Variants in GRHL2 observed in about 807,000 individuals in gnomAD.
The protein encoded by GRHL2 is grainyhead-like protein 2 homolog.
In GRHL2, 21 loss-of-function variants were observed where a neutral mutation model predicts 83.8. That is an observed-to-expected ratio of 0.25 (90% CI 0.18 to 0.36). The LOEUF (loss-of-function observed/expected upper bound fraction) is 0.36. GRHL2 is among the 10% of genes least tolerant of loss of function. The pLI, the probability that GRHL2 is intolerant of heterozygous loss-of-function variation, is 1.00. For synonymous variants in GRHL2, 280 were observed against 278.9 expected, an observed-to-expected ratio of 1.00 and a Z score of -0.04; for missense variants, 623 against 781.8, an observed-to-expected ratio of 0.80 and a Z score of 2.42.
chr8:101,587,033 T>G (rs1475820261), intron 7 of GRHL2, among the ~76,000 whole-genome samples: 3 of 152,230 alleles, frequency 2.0e-5, no homozygotes, highest in African/African-American at 7.2e-5. Flanking sequence ...AATGTCTCCT[T>G]TTAAACTTAA....
At chr8:101,536,719 T>A in intron 1 of GRHL2, among the ~76,000 whole-genome samples, 1 of 152,192 alleles carries the variant, frequency 6.6e-6, no homozygotes, top group East Asian at 1.9e-4. Flanking sequence ...AACTGATGAT[T>A]AGCTTAGTGT....
chr8:101,640,872 C>T (rs2129653040), intron 12 of GRHL2, among the ~76,000 whole-genome samples: 1 of 152,308 alleles, frequency 6.6e-6, no homozygotes, highest in South Asian at 2.1e-4. Flanking sequence ...TTTATTTTCT[C>T]CCATGCTTCT....
intron 14 of GRHL2, among the ~76,000 whole-genome samples, chr8:101,662,452 T>C (rs936538887): frequency 6.6e-6 from 1 of 152,174 alleles, no homozygotes; most frequent in African/African-American, 2.4e-5. Flanking sequence ...AATCTGTGAG[T>C]CTCTGTAGAG....
intron 1 of GRHL2, among the ~76,000 whole-genome samples, chr8:101,500,294 C>T (rs1388196086): frequency 6.6e-6 from 1 of 152,008 alleles, no homozygotes; most frequent in Non-Finnish European, 1.5e-5. Context: ...ACCTGGGAGT[C>T]CCTCAGATAG....
At chr8:101,646,542 C>A (rs1813514971) in intron 13 of GRHL2, among the ~76,000 whole-genome samples, 1 of 152,196 alleles carries the variant, frequency 6.6e-6, no homozygotes, top group Non-Finnish European at 1.5e-5. Context: ...TACTGGGCCC[C>A]TTGCTTGGAG....
At chr8:101,652,588 CTGTG>C (rs1554596889) in intron 14 of GRHL2, among the ~76,000 whole-genome samples, 1 of 17,944 alleles carries the variant, frequency 5.6e-5, no homozygotes, top group Admixed American at 5.0e-4. Context: ...TGTGTGGTGT[CTGTG>C]TGTGTGTGGT....
chr8:101,647,338 C>G (rs1813531598), intron 13 of GRHL2, among the ~76,000 whole-genome samples: 1 of 152,172 alleles, frequency 6.6e-6, no homozygotes, highest in South Asian at 2.1e-4. Flanking sequence ...GCACTCCAGT[C>G]TGGGTGACAG....
At chr8:101,589,424 G>A (rs1227289204) in intron 7 of GRHL2, among the ~76,000 whole-genome samples, 2 of 152,212 alleles carry the variant, frequency 1.3e-5, no homozygotes, top group South Asian at 4.1e-4. Flanking sequence ...GTGTGTCTAT[G>A]TACAGGATAT....
chr8:101,632,950 C>T (rs189181533), intron 11 of GRHL2, among the ~76,000 whole-genome samples: 1 of 152,244 alleles, frequency 6.6e-6, no homozygotes, highest in East Asian at 1.9e-4. Flanking sequence ...CAATAATTAA[C>T]TCATTATGGT....
At chr8:101,493,529 A>T (rs995202476) in intron 1 of GRHL2, among the ~76,000 whole-genome samples, 37 of 152,032 alleles carry the variant, frequency 2.4e-4, no homozygotes, top group Middle Eastern at 3.4e-3. Context: ...GGGGGAACTC[A>T]TGTGAGGCCT....
At position 101,558,609 on chromosome 8, in the gene GRHL2, A is replaced by G; in HGVS notation, c.475A>G (p.Lys159Glu). 6.2e-7 allele frequency: 1 copy of G among 1,614,096 alleles called. No homozygotes were observed. ...CCCGGTGTCGGGAATCACGGTGGTG[A>G]AAGCTGAAGATTTCACACCAGTTTT... Reference protein sequence around the residue: ...IIPVSGITVVKAEDFTPVFMA... With the variant: ...IIPVSGITVVEAEDFTPVFMA... The change falls in exon 4 of 16, where the codon AAA becomes GAA. Residue 159 changes from lysine (K) to glutamate (E), a missense_variant. Around this residue, in one of 8 missense-constraint regions of GRHL2, gnomAD observed 239 missense variants for 240.5 expected, o/e 0.99. Coordinates refer to ENST00000646743, the MANE Select transcript of GRHL2 (RefSeq NM_024915.4).
intron 1 of GRHL2, among the ~76,000 whole-genome samples, chr8:101,509,093 C>A (rs1303380169): frequency 6.9e-6 from 1 of 145,024 alleles, no homozygotes; most frequent in African/African-American, 2.6e-5. Flanking sequence ...GTTTTCCTTT[C>A]TTTCTTTCTT....
chr8:101,669,757 G>GTGTT (rs1554599237), downstream of GRHL2: 2 of 152,204 alleles, frequency 1.3e-5, no homozygotes, highest in Non-Finnish European at 1.5e-5. Flanking sequence ...TGTGCAGCCA[G>GTGTT]TGTTGGGGAT....
At chr8:101,557,241 T>A (rs1426029237) in intron 3 of GRHL2, among the ~76,000 whole-genome samples, 1 of 151,108 alleles carries the variant, frequency 6.6e-6, no homozygotes, top group East Asian at 2.0e-4. Flanking sequence ...TTTTTTTTTT[T>A]TGAGACAGAG....
intron 2 of GRHL2, chr8:101,543,695 G>T: frequency 2.0e-6 from 1 of 489,554 alleles, no homozygotes; most frequent in Non-Finnish European, 3.7e-6. Flanking sequence ...AATATTATTT[G>T]CATATTATTC....
At chr8:101,592,014 GAAAC>G (rs2130290456) in intron 7 of GRHL2, among the ~76,000 whole-genome samples, 1 of 151,660 alleles carries the variant, frequency 6.6e-6, no homozygotes, top group Non-Finnish European at 1.5e-5. Context: ...GGAAATCTGA[GAAAC>G]GAAGGGGAAC....
intron 7 of GRHL2, among the ~76,000 whole-genome samples, chr8:101,581,834 T>A (rs1812058716): frequency 6.6e-6 from 1 of 152,080 alleles, no homozygotes; most frequent in South Asian, 2.1e-4. Flanking sequence ...CCAGAGAAGT[T>A]TCTGAGACTC....
chr8:101,623,008 C>G (rs1356076307), intron 9 of GRHL2, among the ~76,000 whole-genome samples: 2 of 152,196 alleles, frequency 1.3e-5, no homozygotes, highest in East Asian at 3.8e-4. Context: ...ACTGCAAATG[C>G]TGTTAATTCA....
chr8:101,674,577 A>T (rs985775027), downstream of GRHL2, among the ~76,000 whole-genome samples: 1 of 152,210 alleles, frequency 6.6e-6, no homozygotes, highest in African/African-American at 2.4e-5. Context: ...TAGCTTACCA[A>T]CCAAAAAAAG....
Sources: gnomAD v4.1 joint callset for allele counts (sites outside exome capture counted in the v4.1 genomes callset) on GRCh38, gnomAD v4.1.1 for gene constraint, gnomAD v4.1.1 regional missense constraint, MANE v1.5 for transcripts, NCBI Gene and HGNC (gene_info 2026-07-23, HGNC 2026-07-21) for gene names.